Variants in STRN observed in about 807,000 individuals in gnomAD.
STRN encodes the protein striatin.
In STRN, 53 loss-of-function variants were observed where a neutral mutation model predicts 96.3. The observed-to-expected ratio is 0.55, with a 90% CI of 0.44 to 0.69. The LOEUF (loss-of-function observed/expected upper bound fraction) is 0.69. Among genes scored for constraint, STRN ranks in the 30% least tolerant of loss-of-function variants. The probability of loss-of-function intolerance (pLI) is 0.00; values close to 1 mark genes in which losing one functional copy is unlikely to be tolerated. For missense variants in STRN, 987 were observed against 963.9 expected, an observed-to-expected ratio of 1.02 and a Z score of -0.32; for synonymous variants, 428 against 355.9, an observed-to-expected ratio of 1.20 and a Z score of -2.28.
chr2:36,955,435 T>C (rs887915566), intron 1 of STRN, among the ~76,000 whole-genome samples: 3 of 152,240 alleles, frequency 2.0e-5, no homozygotes, highest in Admixed American at 1.3e-4. Context: ...TGTGTATCCC[T>C]GTCAGCCCTA....
At chr2:36,951,934 T>C (rs1664763190) in intron 1 of STRN, among the ~76,000 whole-genome samples, 1 of 152,198 alleles carries the variant, frequency 6.6e-6, no homozygotes, top group Non-Finnish European at 1.5e-5. Flanking sequence ...CTGATTCTCA[T>C]AGGAGCACGG....
intron 10 of STRN, among the ~76,000 whole-genome samples, chr2:36,872,024 C>T (rs916816213): frequency 3.3e-5 from 5 of 152,284 alleles, no homozygotes; most frequent in East Asian, 1.9e-4. Flanking sequence ...TTTTTAAGCA[C>T]CTGAAAGGCT....
intron 1 of STRN, among the ~76,000 whole-genome samples, chr2:36,951,090 G>T (rs749710315): frequency 6.6e-6 from 1 of 152,096 alleles, no homozygotes; most frequent in Non-Finnish European, 1.5e-5. Context: ...CAATTTAGAA[G>T]GAATAAGACA....
In STRN at chr2:36,849,492, A is replaced by G; in HGVS notation, c.2307T>C (p.Ser769=). The G allele has an allele frequency of 6.2e-7, 1 of 1,614,192 alleles. No individual in the cohort carries two copies. Among genetic ancestry groups the G allele is most frequent in the South Asian group, 1.1e-5 (1 of 91,084 alleles). Residue 769 remains serine (S), a synonymous_variant, in exon 18 of 18, where the codon AGT becomes AGC. Coordinates refer to ENST00000263918, the MANE Select transcript of STRN (RefSeq NM_003162.4). The part of the protein sequence containing the change: ...AFHPSKCYIA[S]AGADALAKVF... ...CTTTAGCCAGTGCGTCAGCTCCAGC[A>G]CTGGCTATATAGCATTTGGATGGGT...
In STRN at chr2:36,966,454, G is replaced by C. The variant is rs764627250; in HGVS notation, c.10C>G (p.Gln4Glu). The C allele has an allele frequency of 2.7e-6, 4 of 1,460,122 alleles. No individual in the cohort carries two copies. Among genetic ancestry groups the C allele is most frequent in the Non-Finnish European group, 2.7e-6 (3 of 1,108,274 alleles). The allele number at this position is 1,460,122 out of a possible 1,614,324, so 90.4% of individuals were successfully genotyped here. The change falls in exon 1 of 18, where the codon CAG (glutamine) becomes GAG (glutamate). Residue 4 changes from glutamine to glutamate, a missense_variant. By Grantham distance (29) the Gln-to-Glu change is conservative. Coordinates refer to ENST00000263918, the MANE Select transcript of STRN (RefSeq NM_003162.4). The stretch of plus-strand genomic sequence containing the variant: ...CTGAAGAAGACGCCGGGACCCGCCT[G>C]CTCGTCCATGGCGGCCGCAGATACC... Reference protein sequence around the residue: MDEQAGPGVFFSNN... With the variant: MDEEAGPGVFFSNN...
chr2:36,954,591 T>C (rs1664837042), intron 1 of STRN, among the ~76,000 whole-genome samples: 2 of 150,550 alleles, frequency 1.3e-5, no homozygotes, highest in African/African-American at 4.9e-5. Flanking sequence ...TATTTCAGTA[T>C]TCCCCACAAA....
chr2:36,899,452 T>A (rs1413178543), intron 6 of STRN, 71 bp downstream of exon 6: 2 of 1,309,378 alleles, frequency 1.5e-6, no homozygotes, highest in Non-Finnish European at 2.0e-6. Context: ...GAACATGGAT[T>A]CTTTTATGCA....
chr2:36,895,648 A>G (rs1257013966), intron 6 of STRN, among the ~76,000 whole-genome samples: 1 of 151,916 alleles, frequency 6.6e-6, no homozygotes, highest in East Asian at 1.9e-4. Flanking sequence ...ACGGTGGCTC[A>G]TGCCTGTAAT....
chr2:36,878,125 A>G, intron 9 of STRN, 98 bp from the exon 10 acceptor site: 2 of 1,302,200 alleles, frequency 1.5e-6, no homozygotes, highest in South Asian at 2.8e-5. Flanking sequence ...GCACGTATAT[A>G]CTTAATTGTT....
At chr2:36,966,125 G>C (rs1018729777) in intron 1 of STRN, 105 bp downstream of exon 1, 155 of 1,300,238 alleles carry the variant, frequency 1.2e-4, no homozygotes, top group Non-Finnish European at 1.5e-4. Context: ...GGCAGCAAAG[G>C]GGGAGGGGAC....
chr2:36,858,115 C>T (rs1668393321), intron 13 of STRN, 92 bp from the exon 14 acceptor site: 2 of 966,822 alleles, frequency 2.1e-6, no homozygotes, highest in Middle Eastern at 2.2e-4. Flanking sequence ...AACAATAGCA[C>T]CTGATAACAG....
intron 1 of STRN, among the ~76,000 whole-genome samples, chr2:36,933,977 T>C (rs903641147): frequency 1.3e-5 from 2 of 151,972 alleles, no homozygotes; most frequent in African/African-American, 2.4e-5. Flanking sequence ...CCGGGTGTGG[T>C]GGCGGGCGCC....
chr2:36,914,922 C>T (rs897417881), intron 3 of STRN, among the ~76,000 whole-genome samples: 7 of 151,952 alleles, frequency 4.6e-5, no homozygotes, highest in African/African-American at 1.4e-4. Flanking sequence ...TGCGGCCGGG[C>T]GTGGTGGCTC....
chr2:36,941,743 G>A (rs1007644689), intron 1 of STRN, among the ~76,000 whole-genome samples: 7 of 139,658 alleles, frequency 5.0e-5, no homozygotes, highest in African/African-American at 1.5e-4. Context: ...TAGTGGAGAC[G>A]GGTTTCACCA....
chr2:36,846,952 A>G lies in STRN; in HGVS notation c.*2504T>C, dbSNP rs1284034650. The stretch of plus-strand genomic sequence containing the variant: ...AATGAAGCACTATGAAAGCATTTCA[A>G]TGGCTGTTTAAACATTGAATTTGTT... On this transcript the variant is annotated 3_prime_UTR_variant, in exon 18 of 18. Transcript: ENST00000263918. 6.6e-6 allele frequency: 1 copy of G among 152,196 alleles called. No homozygotes were observed. Among genetic ancestry groups the G allele is most frequent in the Non-Finnish European group, 1.5e-5 (1 of 68,028 alleles). The allele number at this position is 152,196 out of a possible 1,614,324, so 9.4% of individuals were successfully genotyped here. A position where few individuals can be genotyped will look rare whatever the true frequency, so the allele number is the denominator to read the frequency against.
At position 36,906,868 on chromosome 2, in the gene STRN, C is replaced by G. The variant is rs562218792; in HGVS notation, c.413-1250G>C. Among the ~76,000 whole-genome samples the G allele has an allele frequency of 2.6e-5, 4 of 152,048 alleles. No individual in the cohort carries two copies. In the South Asian group the frequency reaches 6.2e-4, roughly 24 times the overall value. On this transcript the variant is annotated intron_variant, in intron 3 of 17. Transcript: ENST00000263918. ...CCCAAGAAGCGGAGGTTGCAGTGAG[C>G]CGAGATGATTGCGCCATTGCACTCC...
chr2:36,907,433 A>C (rs1351361587), intron 3 of STRN, among the ~76,000 whole-genome samples: 2 of 152,120 alleles, frequency 1.3e-5, no homozygotes, highest in Non-Finnish European at 2.9e-5. Context: ...CCTGTTTCCC[A>C]GCTACTCAGG....
In STRN at chr2:36,849,787, G is replaced by T. The variant is rs758649599; in HGVS notation, c.2100C>A (p.His700Gln). 1 of 1,614,024 alleles carries T rather than the reference G, an allele frequency of 6.2e-7. No homozygotes were observed. Among genetic ancestry groups the T allele is most frequent in the Admixed American group, 1.7e-5 (1 of 59,998 alleles). The change falls in exon 17 of 18, where the codon CAC (histidine) becomes CAA (glutamine). Residue 700 changes from histidine (H) to glutamine (Q), a missense_variant. Physicochemically the swap from His to Gln is conservative, Grantham distance 24. Transcript: ENST00000263918. ...FYDNNTGKLIHSMVAHLEAVT... is the reference protein window; with the variant it reads ...FYDNNTGKLIQSMVAHLEAVT... ...CAGCTTCTAGGTGGGCTACCATCGA[G>T]TGGATCAGTTTGCCTTTGGAAAAAG...
At chr2:36,853,210 TAGTC>T (rs1022870336) in intron 15 of STRN, among the ~76,000 whole-genome samples, 16 of 152,190 alleles carry the variant, frequency 1.1e-4, no homozygotes, top group Non-Finnish European at 1.8e-4. Flanking sequence ...AGTAAGTTCT[TAGTC>T]AGTTACACCT....
Sources: allele counts gnomAD v4.1 joint callset (sites outside exome capture counted in the v4.1 genomes callset), GRCh38; gene constraint gnomAD v4.1.1; transcripts MANE v1.5; gene names NCBI Gene and HGNC (gene_info 2026-07-23, HGNC 2026-07-21).